The following SLC26A7 variants were observed in gnomAD, a reference collection of about 807,000 sequenced individuals.
SLC26A7 encodes the protein solute carrier family 26 member 7, also known as anion exchange transporter.
In SLC26A7, 59 loss-of-function variants were observed where a neutral mutation model predicts 82.5. The ratio of observed to expected loss-of-function variants is 0.72; its 90% CI spans 0.58 to 0.89. SLC26A7 has a LOEUF of 0.89. Ranked by LOEUF, SLC26A7 falls within the 40% of genes least tolerant of loss-of-function variation. The pLI is 0.00. For missense variants in SLC26A7, 820 were observed against 793.0 expected (o/e 1.03, Z -0.41); for synonymous variants, 271 against 274.3 (o/e 0.99, Z 0.12).
chr8:91,360,083 C>G (rs192075974), intron 11 of SLC26A7, among the ~76,000 whole-genome samples: 68 of 152,146 alleles, frequency 4.5e-4, no homozygotes, highest in African/African-American at 1.5e-3. Context: ...AATGGAGGCT[C>G]AACTCATTGG....
chr8:91,276,346 A>G (rs1385431305), intron 2 of SLC26A7, among the ~76,000 whole-genome samples: 5 of 152,160 alleles, frequency 3.3e-5, no homozygotes, highest in African/African-American at 1.2e-4. Flanking sequence ...TTTGTATATT[A>G]TTTTATTATT....
chr8:91,351,752 A>T (rs1440242342), intron 9 of SLC26A7, 58 bp from the exon 10 acceptor site: 1 of 1,141,164 alleles, frequency 8.8e-7, no homozygotes, highest in Non-Finnish European at 1.3e-6. Flanking sequence ...CATAACTTTG[A>T]CATAATAAAA....
intron 5 of SLC26A7, among the ~76,000 whole-genome samples, chr8:91,325,731 A>G (rs1482799578): frequency 6.6e-6 from 1 of 152,168 alleles, no homozygotes; most frequent in African/African-American, 2.4e-5. Context: ...CCATAACCCA[A>G]GGGAAAAGGA....
chr8:91,349,630 C>T (rs1187920876), intron 9 of SLC26A7, among the ~76,000 whole-genome samples: 1 of 152,120 alleles, frequency 6.6e-6, no homozygotes, highest in Non-Finnish European at 1.5e-5. Context: ...AATTCCCTAG[C>T]TCTATGACCT....
intron 5 of SLC26A7, 151 bp from the exon 6 acceptor site, chr8:91,334,144 A>T: frequency 1.5e-6 from 1 of 670,108 alleles, no homozygotes; most frequent in East Asian, 2.8e-5. Flanking sequence ...ACATAGCATT[A>T]GCACTGACTA....
chr8:91,338,254 A>G (rs763803902), intron 7 of SLC26A7, 22 bp downstream of exon 7: 74 of 1,545,448 alleles, frequency 4.8e-5, no homozygotes, highest in Non-Finnish European at 6.4e-5. Flanking sequence ...CTTTTTAAAA[A>G]CATATTATTT....
At chr8:91,336,792 T>G (rs568074776) in intron 6 of SLC26A7, among the ~76,000 whole-genome samples, 5 of 152,264 alleles carry the variant, frequency 3.3e-5, no homozygotes, top group African/African-American at 1.2e-4. Context: ...TTAGAGCACT[T>G]AATTTTAATA....
chr8:91,262,251 C>G (rs774988752), intron 2 of SLC26A7, among the ~76,000 whole-genome samples: 4 of 152,032 alleles, frequency 2.6e-5, no homozygotes. Context: ...AAGTTTAGCA[C>G]TTGAATGTCA....
chr8:91,335,856 T>TCTGCCAGTATGTTCTGCCAG (rs1479028768), intron 6 of SLC26A7, among the ~76,000 whole-genome samples: 1 of 151,862 alleles, frequency 6.6e-6, no homozygotes, highest in Non-Finnish European at 1.5e-5. Flanking sequence ...TCCTAGTCGT[T>TCTGCCAGTATGTTCTGCCAG]TATGTTCTGC....
At chr8:91,345,349 G>A (rs1036112216) in intron 9 of SLC26A7, among the ~76,000 whole-genome samples, 3 of 152,092 alleles carry the variant, frequency 2.0e-5, no homozygotes, top group Non-Finnish European at 4.4e-5. Flanking sequence ...TCAGCGTTGG[G>A]CTCCAGAGCC....
intron 9 of SLC26A7, chr8:91,343,972 G>T (rs1181963043): frequency 1.2e-6 from 1 of 832,216 alleles, no homozygotes; most frequent in Non-Finnish European, 1.4e-6. Context: ...TCTATTGAGG[G>T]CCTGTGATAT....
At chr8:91,270,208 C>G (rs1811231112) in intron 2 of SLC26A7, among the ~76,000 whole-genome samples, 1 of 152,140 alleles carries the variant, frequency 6.6e-6, no homozygotes. Context: ...CTTCTTCCAG[C>G]TTTTGGAGGT....
At chr8:91,273,038 G>A (rs1426548538) in intron 2 of SLC26A7, among the ~76,000 whole-genome samples, 2 of 152,028 alleles carry the variant, frequency 1.3e-5, no homozygotes, top group African/African-American at 4.8e-5. Context: ...ATATAAGGGT[G>A]AAAAAAAGAG....
At chr8:91,385,377 A>G (rs890785064) in intron 15 of SLC26A7, among the ~76,000 whole-genome samples, 1 of 152,230 alleles carries the variant, frequency 6.6e-6, no homozygotes, top group African/African-American at 2.4e-5. Flanking sequence ...CTGAAAGGAT[A>G]CTGTGTAAAA....
At chr8:91,245,620 C>G (rs1016848791), upstream of SLC26A7, among the ~76,000 whole-genome samples, 1 of 152,150 alleles carries the variant, frequency 6.6e-6, no homozygotes, top group African/African-American at 2.4e-5. Flanking sequence ...CTGATCTATA[C>G]TTTTCATTGT....
chr8:91,395,453 A>C lies in SLC26A7; in HGVS notation c.*356A>C, dbSNP rs1337902113. 2 of 222,464 alleles carry C rather than the reference A, an allele frequency of 9.0e-6. No individual in the cohort carries two copies. Among genetic ancestry groups the C allele is most frequent in the Non-Finnish European group, 1.7e-5 (2 of 121,108 alleles). The allele number at this position is 222,464 out of a possible 1,614,324, so 13.8% of individuals were successfully genotyped here. A position where few individuals can be genotyped will look rare whatever the true frequency, so the allele number is the denominator to read the frequency against. ...ATTGAGAAATACTTTTGTCATAGGT[A>C]ATTTGGAACATTTACAAGCCATTTG... On this transcript the variant is annotated 3_prime_UTR_variant, in exon 19 of 19. Transcript: ENST00000276609.
chr8:91,229,273 A>G (rs749034407), intron 2 of SLC26A7, among the ~76,000 whole-genome samples: 1 of 152,202 alleles, frequency 6.6e-6, no homozygotes, highest in Non-Finnish European at 1.5e-5. Flanking sequence ...CCTTTCCCTT[A>G]TCTTTCTCCC....
intron 4 of SLC26A7, among the ~76,000 whole-genome samples, chr8:91,310,506 G>A (rs1236778178): frequency 6.6e-6 from 1 of 152,114 alleles, no homozygotes. Context: ...CTGAAAGCAA[G>A]AGGAGACAAA....
intron 2 of SLC26A7, among the ~76,000 whole-genome samples, chr8:91,270,123 T>A (rs34841390): frequency 0.087 from 13,232 of 152,250 alleles, 854 homozygotes; most frequent in African/African-American, 0.18. Context: ...TTTCTTTTTG[T>A]GGTCTTATAT....
Sources: allele counts gnomAD v4.1 joint callset (sites outside exome capture counted in the v4.1 genomes callset), GRCh38; gene constraint gnomAD v4.1.1; transcripts MANE v1.5; gene names NCBI Gene and HGNC (gene_info 2026-07-23, HGNC 2026-07-21).